CFAP54: variants seen among roughly 807,000 people sequenced by gnomAD.
The protein encoded by CFAP54 is cilia- and flagella-associated protein 54.
In CFAP54, 290 loss-of-function variants were observed where a neutral mutation model predicts 370.4. That is an observed-to-expected ratio of 0.78 (90% CI 0.71 to 0.86). The LOEUF (loss-of-function observed/expected upper bound fraction) is 0.86. CFAP54 is among the 40% of genes least tolerant of loss of function. The pLI, the probability that CFAP54 is intolerant of heterozygous loss-of-function variation, is 0.00. For synonymous variants in CFAP54, 1,206 were observed against 1,236.5 expected (o/e 0.98, Z 0.52); for missense variants, 3,399 against 3,528.7 (o/e 0.96, Z 0.93).
intron 66 of CFAP54, among the ~76,000 whole-genome samples, chr12:96,833,503 CGTACGT>C (rs1348770228): frequency 2.1e-5 from 2 of 97,448 alleles, no homozygotes; most frequent in Non-Finnish European, 4.1e-5. Context: ...ATTACACACG[CGTACGT>C]GTGTGTGTGT....
At chr12:96,689,052 A>T in intron 43 of CFAP54, 70 bp downstream of exon 43, 2 of 953,168 alleles carry the variant, frequency 2.1e-6, no homozygotes, top group South Asian at 4.1e-5. Context: ...AAAAAAGTTT[A>T]TCATATTCAG....
Position 96,500,938 on chromosome 12 carries a change from A to G in CFAP54, c.422A>G (p.Lys141Arg), listed in dbSNP as rs1413250433. The G allele has an allele frequency of 6.6e-7, 1 of 1,526,566 alleles. No homozygotes were observed. Among genetic ancestry groups the G allele is most frequent in the South Asian group, 1.2e-5 (1 of 83,554 alleles). The allele number at this position is 1,526,566 out of a possible 1,614,324, so 94.6% of individuals were successfully genotyped here. Residue 141 changes from lysine (K) to arginine (R), a missense_variant and splice_region_variant, in exon 2 of 68, where the codon AAA (lysine) becomes AGA (arginine). Lys to Arg is a conservative substitution (Grantham distance 26). Around this residue, in one of 3 missense-constraint regions of CFAP54, gnomAD observed 559 missense variants for 576.7 expected, o/e 0.97. Transcript: ENST00000524981. The part of the protein sequence containing the change: ...LKVGDSLCQM[K>R]EYKLALLQCY... ...GTTGGAGATAGCCTTTGTCAAATGAAAGTAAGTGCCTCTGCAGGAAAGAGC... is the reference window on the plus strand; with the variant it reads ...GTTGGAGATAGCCTTTGTCAAATGAGAGTAAGTGCCTCTGCAGGAAAGAGC...
At chr12:96,762,978 G>A (rs148075785) in intron 58 of CFAP54, among the ~76,000 whole-genome samples, 84 of 152,126 alleles carry the variant, frequency 5.5e-4, no homozygotes, top group African/African-American at 2.0e-3. Context: ...GTAAAATAAA[G>A]ATACTTTTGT....
chr12:96,534,432 G>A (rs11108569), intron 11 of CFAP54, among the ~76,000 whole-genome samples: 17,240 of 152,058 alleles, frequency 0.11, 1,571 homozygotes, highest in East Asian at 0.45. Context: ...GTAGCTAGGC[G>A]CTAGATGATG....
chr12:96,604,096 C>T (rs181854877), intron 26 of CFAP54, among the ~76,000 whole-genome samples: 1 of 152,168 alleles, frequency 6.6e-6, no homozygotes, highest in Non-Finnish European at 1.5e-5. Flanking sequence ...GTGGTTTTAT[C>T]TAACTTTGGT....
chr12:96,867,918 G>A (rs1960045979), intron 67 of CFAP54, among the ~76,000 whole-genome samples: 1 of 152,012 alleles, frequency 6.6e-6, no homozygotes, highest in Non-Finnish European at 1.5e-5. Context: ...CAAAAAATAA[G>A]TATGTGAGGA....
chr12:96,766,066 AAG>A (rs1443892385), intron 60 of CFAP54, among the ~76,000 whole-genome samples: 1 of 152,074 alleles, frequency 6.6e-6, no homozygotes, highest in Non-Finnish European at 1.5e-5. Flanking sequence ...GCCAAAGGAG[AAG>A]AGTTTTAACC....
intron 1 of CFAP54, among the ~76,000 whole-genome samples, chr12:96,491,941 G>A (rs761916100): frequency 6.6e-6 from 1 of 152,070 alleles, no homozygotes; most frequent in Non-Finnish European, 1.5e-5. Context: ...TGTATTTTTA[G>A]TAGAGATGGG....
At chr12:96,873,469 T>C (rs1420734769) in intron 67 of CFAP54, among the ~76,000 whole-genome samples, 1 of 152,202 alleles carries the variant, frequency 6.6e-6, no homozygotes, top group Non-Finnish European at 1.5e-5. Flanking sequence ...ATGATTCACA[T>C]CTCAGCTGTC....
intron 22 of CFAP54, among the ~76,000 whole-genome samples, chr12:96,585,485 A>G (rs775175757): frequency 6.6e-6 from 1 of 151,940 alleles, no homozygotes; most frequent in Non-Finnish European, 1.5e-5. Flanking sequence ...TGATCACCCT[A>G]TTTAATATTG....
chr12:96,684,617 C>A, intron 40 of CFAP54, 31 bp from the exon 41 acceptor site: 2 of 1,537,118 alleles, frequency 1.3e-6, no homozygotes, highest in Non-Finnish European at 1.8e-6. Context: ...TAGGAACTGA[C>A]ATTTGTTCTT....
chr12:96,644,054 G>T (rs906329365), intron 32 of CFAP54, 124 bp from the exon 33 acceptor site: 1 of 687,952 alleles, frequency 1.5e-6, no homozygotes, highest in Admixed American at 2.9e-5. Context: ...AAATAAGCCA[G>T]AAACATTAGC....
intron 15 of CFAP54, among the ~76,000 whole-genome samples, chr12:96,552,403 G>A (rs1460681919): frequency 6.6e-6 from 1 of 151,952 alleles, no homozygotes; most frequent in Admixed American, 6.6e-5. Context: ...GAGTGCAGTG[G>A]CATGATCAGG....
chr12:96,578,500 T>C (rs1312858155), intron 20 of CFAP54, among the ~76,000 whole-genome samples: 2 of 152,254 alleles, frequency 1.3e-5, no homozygotes, highest in African/African-American at 4.8e-5. Flanking sequence ...TTTGTTCAAA[T>C]ATTTGGGTTT....
intron 44 of CFAP54, 88 bp downstream of exon 44, chr12:96,691,398 T>C: frequency 1.1e-6 from 1 of 920,692 alleles, no homozygotes; most frequent in Admixed American, 3.4e-5. Flanking sequence ...TAATGTTCTT[T>C]TGGTCAGTTA....
Position 96,630,287 on chromosome 12 carries a change from CATT to C in CFAP54, c.4215+86_4215+88del, listed in dbSNP as rs537267499. On this transcript the variant is annotated intron_variant, in intron 31 of 67. Coordinates refer to ENST00000524981, the MANE Select transcript of CFAP54 (RefSeq NM_001306084.2). Reference sequence around the variant, plus strand: ...AGAGATGATTGGCTACATTTAAACTCATTATAATATGAAACAGAAGGATATACT... The same window carrying C: ...AGAGATGATTGGCTACATTTAAACTCATAATATGAAACAGAAGGATATACT... The C allele has an allele frequency of 4.6e-3, 3,148 of 686,810 alleles. 13 individuals carry two copies. Among genetic ancestry groups the C allele is most frequent in the Non-Finnish European group, 5.6e-3 (2,442 of 432,348 alleles). 42.5% of individuals were successfully genotyped at this position (686,810 alleles called of 1,614,324 possible).
intron 66 of CFAP54, among the ~76,000 whole-genome samples, chr12:96,845,700 AG>A (rs2136449700): frequency 6.6e-6 from 1 of 152,332 alleles, no homozygotes; most frequent in Non-Finnish European, 1.5e-5. Flanking sequence ...TGTGATCTCA[AG>A]GGTATTCCCT....
At position 96,737,177 on chromosome 12, in the gene CFAP54, C is replaced by T. The variant is rs76310895; in HGVS notation, c.6966-2779C>T. On this transcript the variant is annotated intron_variant, in intron 50 of 67. Coordinates refer to ENST00000524981, the MANE Select transcript of CFAP54 (RefSeq NM_001306084.2). ...TGAAAATTTGAAATCTGAAATGCCC[C>T]GACAAGCATTTCTTGAGTGTCATGT... 3.4e-4 allele frequency among the ~76,000 whole-genome samples: 51 copies of T among 152,040 alleles called. No homozygotes were observed. In the East Asian group the frequency reaches 8.3e-3, roughly 25 times the overall value.
intron 46 of CFAP54, 45 bp downstream of exon 46, chr12:96,700,138 G>A: frequency 2.6e-6 from 4 of 1,544,324 alleles, no homozygotes; most frequent in Non-Finnish European, 3.5e-6. Context: ...ACCTATGAGG[G>A]ATACATTCCT....
Sources: gnomAD v4.1 joint callset for allele counts (sites outside exome capture counted in the v4.1 genomes callset) on GRCh38, gnomAD v4.1.1 for gene constraint, gnomAD v4.1.1 regional missense constraint, MANE v1.5 for transcripts, NCBI Gene and HGNC (gene_info 2026-07-23, HGNC 2026-07-21) for gene names.